The following PCDHA12 variants were observed in gnomAD, a reference collection of about 807,000 sequenced individuals.
PCDHA12 encodes the protein protocadherin alpha 12.
Under a neutral mutation model 60.0 loss-of-function variants are expected in PCDHA12, and 44 were observed. The observed-to-expected ratio is 0.73, with a 90% CI of 0.58 to 0.94. The LOEUF is 0.94. Among genes scored for constraint, PCDHA12 ranks in the 40% least tolerant of loss-of-function variants. PCDHA12 has a pLI of 0.00. For missense variants in PCDHA12, 1,276 were observed against 1,239.7 expected, an observed-to-expected ratio of 1.03 and a Z score of -0.44; for synonymous variants, 569 against 553.0, an observed-to-expected ratio of 1.03 and a Z score of -0.40.
chr5:140,928,778 C>G (rs564618368), intron 1 of PCDHA12: 3 of 1,614,136 alleles, frequency 1.9e-6, no homozygotes, highest in East Asian at 4.5e-5. Context: ...CCCACTGATG[C>G]AGTTAAGCAG....
intron 1 of PCDHA12, among the ~76,000 whole-genome samples, chr5:140,914,012 G>A (rs2153528687): frequency 6.6e-6 from 1 of 152,234 alleles, no homozygotes; most frequent in Admixed American, 6.5e-5. Context: ...CTATCTTTGA[G>A]AATGATCCAC....
At chr5:140,909,505 G>A (rs2074548695) in intron 1 of PCDHA12, among the ~76,000 whole-genome samples, 1 of 152,168 alleles carries the variant, frequency 6.6e-6, no homozygotes. Flanking sequence ...GGATGTGGTG[G>A]GAATCACAAC....
At chr5:140,952,098 C>T (rs1337442909) in intron 1 of PCDHA12, among the ~76,000 whole-genome samples, 2 of 152,108 alleles carry the variant, frequency 1.3e-5, no homozygotes, top group African/African-American at 4.8e-5. Flanking sequence ...ACATCCAGGG[C>T]ACACTCGTGT....
intron 1 of PCDHA12, among the ~76,000 whole-genome samples, chr5:140,961,550 CT>C (rs571779587): frequency 6.6e-6 from 1 of 152,032 alleles, no homozygotes; most frequent in Admixed American, 6.6e-5. Context: ...TGCAGCATTT[CT>C]TTTTTTAAAT....
intron 1 of PCDHA12, among the ~76,000 whole-genome samples, chr5:140,902,424 G>A (rs1422453587): frequency 6.6e-6 from 1 of 152,038 alleles, no homozygotes; most frequent in African/African-American, 2.4e-5. Flanking sequence ...AGTGGTGAAA[G>A]TGGGCATCCT....
In PCDHA12 at chr5:140,978,971, G is replaced by C. The variant is rs782774245; in HGVS notation, c.2390G>C (p.Trp797Ser). Residue 797 changes from tryptophan (W) to serine (S), a missense_variant, in exon 2 of 4, where the codon TGG (tryptophan) becomes TCG (serine). Trp to Ser is a radical substitution (Grantham distance 177). Transcript: ENST00000398631. ...CAGCCACGACAGCCCAACCCTGACT[G>C]GCGTTACTCTGCCTCCCTGAGAGCA... is the stretch of plus-strand genomic sequence containing the variant. ...PSEPRQPNPD[W>S]RYSASLRAGM... 6.2e-7 allele frequency: 1 copy of C among 1,614,170 alleles called. No homozygotes were observed. The highest frequency in any genetic ancestry group is 2.2e-5 in the East Asian group (1 of 44,882).
At chr5:140,983,062 G>A (rs575564004) in intron 3 of PCDHA12, among the ~76,000 whole-genome samples, 2 of 152,168 alleles carry the variant, frequency 1.3e-5, no homozygotes, top group South Asian at 4.2e-4. Context: ...TCGGAACCAA[G>A]GCATTGTTTT....
intron 3 of PCDHA12, among the ~76,000 whole-genome samples, chr5:141,006,751 G>A (rs1369409000): frequency 2.0e-5 from 3 of 152,166 alleles, no homozygotes; most frequent in Non-Finnish European, 4.4e-5. Flanking sequence ...ATTATAAATG[G>A]AGAATGAAGA....
intron 1 of PCDHA12, among the ~76,000 whole-genome samples, chr5:140,897,650 C>T (rs1293190913): frequency 3.3e-5 from 5 of 152,036 alleles, no homozygotes; most frequent in Non-Finnish European, 7.4e-5. Context: ...AATAAACATA[C>T]GTGTGCATGT....
At chr5:140,884,396 C>T (rs2060144550) in intron 1 of PCDHA12, 1 of 1,614,012 alleles carries the variant, frequency 6.2e-7, no homozygotes, top group Middle Eastern at 1.6e-4. Context: ...GGTGTCCAGC[C>T]TGTTGGTGCT....
chr5:140,976,841 A>G lies in PCDHA12; in HGVS notation c.2368-2108A>G, dbSNP rs145977857. Among the ~76,000 whole-genome samples the G allele has an allele frequency of 1.2e-3, 190 of 152,338 alleles. 1 individual carries two copies. Among genetic ancestry groups the G allele is most frequent in the African/African-American group, 4.3e-3 (178 of 41,578 alleles). ...GTGTCTAATGAGCAAAACAGATATA[A>G]TCCCTTTCATAGAGTTTACTGTCTG... On this transcript the variant is annotated intron_variant, in intron 1 of 3. Coordinates refer to ENST00000398631, the MANE Select transcript of PCDHA12 (RefSeq NM_018903.4).
rs1554213921 is a variant in PCDHA12 at position 140,941,202 on chromosome 5, C to CTTTCTTTCTTTCTTT, written c.2368-37747_2368-37746insTTTCTTTCTTTCTTT. Among the ~76,000 whole-genome samples the CTTTCTTTCTTTCTTT allele has an allele frequency of 5.9e-3, 725 of 122,798 alleles. 27 individuals are homozygous for CTTTCTTTCTTTCTTT. The highest frequency in any genetic ancestry group is 0.024 in the East Asian group (107 of 4,522). The allele number at this position is 122,798 out of a possible 152,430, so 80.6% of individuals were successfully genotyped here. ...TCCTGCTTCTTTTTTTTTCTTTCTTCCTTTCTTTCTTCCTTTCTTTCTTTC... is the reference window on the plus strand; with the variant it reads ...TCCTGCTTCTTTTTTTTTCTTTCTTCTTTCTTTCTTTCTTTCTTTCTTTCTTCCTTTCTTTCTTTC... On this transcript the variant is annotated intron_variant, in intron 1 of 3. Coordinates refer to ENST00000398631, the MANE Select transcript of PCDHA12 (RefSeq NM_018903.4).
intron 1 of PCDHA12, among the ~76,000 whole-genome samples, chr5:140,887,432 C>G (rs2061445843): frequency 6.6e-6 from 1 of 152,120 alleles, no homozygotes; most frequent in Non-Finnish European, 1.5e-5. Flanking sequence ...AGTATTTTCA[C>G]TGGGCATAGT....
rs149166530 is a variant in PCDHA12, at chr5:140,990,443, A to G, written c.2515+7880A>G. Among the ~76,000 whole-genome samples the G allele has an allele frequency of 8.3e-4, 127 of 152,344 alleles. 2 individuals carry two copies. The East Asian group carries it at 0.024, about 29-fold the overall frequency. On this transcript the variant is annotated intron_variant, in intron 3 of 3. Transcript: ENST00000398631. ...CCAGCATTGACCCAATCTTGTGTCC[A>G]GAGCTGTTGCTGTAGGTGGTATCAT...
intron 1 of PCDHA12, among the ~76,000 whole-genome samples, chr5:140,908,850 C>T (rs1234928966): frequency 6.6e-6 from 1 of 152,160 alleles, no homozygotes; most frequent in Non-Finnish European, 1.5e-5. Flanking sequence ...GTAACATACC[C>T]AAATGAGGAA....
intron 1 of PCDHA12, among the ~76,000 whole-genome samples, chr5:140,953,052 C>T (rs2094839858): frequency 6.6e-6 from 1 of 152,206 alleles, no homozygotes; most frequent in Non-Finnish European, 1.5e-5. Flanking sequence ...ATCCAATCAC[C>T]TCTCACAGGC....
intron 1 of PCDHA12, among the ~76,000 whole-genome samples, chr5:140,972,314 GTGT>G (rs1387433472): frequency 1.3e-5 from 2 of 150,490 alleles, no homozygotes; most frequent in Non-Finnish European, 3.0e-5. Context: ...TAGTTTTTAG[GTGT>G]TTTTTTTTTT....
At chr5:140,879,208 A>C (rs546096733) in intron 1 of PCDHA12, among the ~76,000 whole-genome samples, 1 of 152,362 alleles carries the variant, frequency 6.6e-6, no homozygotes, top group East Asian at 1.9e-4. Context: ...ATGGCAGTAG[A>C]AATGAATTGA....
intron 1 of PCDHA12, among the ~76,000 whole-genome samples, chr5:140,912,293 C>T (rs1231004722): frequency 6.6e-6 from 1 of 152,110 alleles, no homozygotes; most frequent in Admixed American, 6.6e-5. Flanking sequence ...AATACTTTGC[C>T]TCCTGTAATC....
Sources: allele counts gnomAD v4.1 joint callset (sites outside exome capture counted in the v4.1 genomes callset), GRCh38; gene constraint gnomAD v4.1.1; transcripts MANE v1.5; gene names NCBI Gene and HGNC (gene_info 2026-07-23, HGNC 2026-07-21).